Variants in UBR2 observed in about 807,000 individuals in gnomAD.
UBR2 encodes ubiquitin protein ligase E3 component n-recognin 2.
UBR2 carries 92 observed loss-of-function variants against 247.9 expected under a neutral mutation model. The ratio of observed to expected loss-of-function variants is 0.37; its 90% CI spans 0.31 to 0.44. The LOEUF is 0.44. UBR2 is among the 20% of genes least tolerant of loss of function. The probability of loss-of-function intolerance (pLI) is 1.00; values close to 1 mark genes in which losing one functional copy is unlikely to be tolerated. For missense variants in UBR2, 1,613 were observed against 2,112.6 expected (o/e 0.76, Z 4.64); for synonymous variants, 672 against 693.5 (o/e 0.97, Z 0.49).
At chr6:42,621,541 C>A (rs1794997238) in intron 11 of UBR2, among the ~76,000 whole-genome samples, 1 of 152,034 alleles carries the variant, frequency 6.6e-6, no homozygotes, top group Non-Finnish European at 1.5e-5. Context: ...CGGCTCACTG[C>A]AACCTCCGCC....
At chr6:42,567,362 C>T (rs770409039) in intron 1 of UBR2, among the ~76,000 whole-genome samples, 1 of 152,120 alleles carries the variant, frequency 6.6e-6, no homozygotes, top group Non-Finnish European at 1.5e-5. Context: ...GTATGACTTT[C>T]CCAACACTTC....
chr6:42,638,644 A>G (rs1272375280), intron 15 of UBR2, among the ~76,000 whole-genome samples: 2 of 152,180 alleles, frequency 1.3e-5, no homozygotes, highest in Non-Finnish European at 2.9e-5. Flanking sequence ...AACACAGGCA[A>G]TTGATGGCAT....
At chr6:42,674,707 A>G (rs1798625966) in intron 38 of UBR2, among the ~76,000 whole-genome samples, 1 of 151,624 alleles carries the variant, frequency 6.6e-6, no homozygotes, top group Non-Finnish European at 1.5e-5. Flanking sequence ...GGTTGCAGTG[A>G]CCAAGATTGC....
At chr6:42,643,072 T>A (rs901587439) in intron 18 of UBR2, among the ~76,000 whole-genome samples, 14 of 152,140 alleles carry the variant, frequency 9.2e-5, no homozygotes, top group African/African-American at 2.9e-4. Flanking sequence ...CCTGACACAC[T>A]AAAACTTGGC....
In UBR2 at chr6:42,564,042, A is replaced by G. The variant is rs974497262; in HGVS notation, c.-278A>G. The G allele has an allele frequency of 2.1e-6, 1 of 484,128 alleles. No individual in the cohort carries two copies. Among genetic ancestry groups the G allele is most frequent in the African/African-American group, 2.0e-5 (1 of 49,364 alleles). 30.0% of individuals were successfully genotyped at this position (484,128 alleles called of 1,614,324 possible). On this transcript the variant is annotated 5_prime_UTR_variant, in exon 1 of 47. Coordinates refer to ENST00000372901, the MANE Select transcript of UBR2 (RefSeq NM_001363705.2). The stretch of plus-strand genomic sequence containing the variant: ...GTGCAGGACGCGGTAGTGGCCAGCG[A>G]GAGTGTCAGGCCTGGGGTTTTCTGT...
In UBR2 at chr6:42,573,862, G is replaced by C. The variant is rs766279657; in HGVS notation, c.207G>C (p.Leu69Phe). 1 of 1,613,952 alleles carries C rather than the reference G, an allele frequency of 6.2e-7. No individual in the cohort carries two copies. The highest frequency in any genetic ancestry group is 1.3e-5 in the African/African-American group (1 of 74,930). Residue 69 changes from leucine to phenylalanine, a missense_variant, in exon 2 of 47, where the codon TTG becomes TTC. Leu to Phe is a conservative substitution (Grantham distance 22). This residue lies in a region of UBR2 where 1,524 missense variants were observed against 1,967.3 expected (regional missense o/e 0.77). Transcript: ENST00000372901. ...QKEDMLAQHVLLGPMEWYLCG... is the reference protein window; with the variant it reads ...QKEDMLAQHVFLGPMEWYLCG... The stretch of plus-strand genomic sequence containing the variant: ...AAGACATGCTGGCACAGCATGTTTT[G>C]TTGGGACCAATGGAATGGTACCTTT...
chr6:42,635,290 C>G, intron 13 of UBR2, 128 bp from the exon 14 acceptor site: 2 of 861,796 alleles, frequency 2.3e-6, no homozygotes, highest in African/African-American at 3.4e-5. Flanking sequence ...CTTGAAGTTT[C>G]CTGTTAAAAC....
At chr6:42,571,735 T>G (rs969168257) in intron 1 of UBR2, among the ~76,000 whole-genome samples, 4 of 51,370 alleles carry the variant, frequency 7.8e-5, no homozygotes, top group African/African-American at 4.4e-4. Context: ...AGCACGAGAC[T>G]CAAAAAAAAA....
intron 45 of UBR2, 41 bp downstream of exon 45, chr6:42,688,427 A>C: frequency 6.2e-7 from 1 of 1,605,422 alleles, no homozygotes. Context: ...GATCTGCCTC[A>C]GTATCTGACT....
Position 42,644,538 on chromosome 6 carries a change from T to C in UBR2, c.2284+2T>C. 6.2e-7 allele frequency: 1 copy of C among 1,606,618 alleles called. No homozygotes were observed. Among genetic ancestry groups the C allele is most frequent in the Non-Finnish European group, 8.5e-7 (1 of 1,176,948 alleles). On this transcript the variant is annotated splice_donor_variant, in intron 20 of 46. Coordinates refer to ENST00000372901, the MANE Select transcript of UBR2 (RefSeq NM_001363705.2). LOFTEE classifies it high-confidence loss of function. ...TATACCTCATTATAATGCTTGTTGG[T>C]AAGTTTAAATTGTTTGAGGCATTTA...
intron 11 of UBR2, among the ~76,000 whole-genome samples, chr6:42,631,664 A>G (rs773089227): frequency 6.6e-6 from 1 of 151,846 alleles, no homozygotes; most frequent in Non-Finnish European, 1.5e-5. Flanking sequence ...AGACCTGGTT[A>G]AAAAGAATGA....
chr6:42,683,110 A>C lies in UBR2; in HGVS notation c.4774A>C (p.Arg1592=). Residue 1592 remains arginine (R), a splice_region_variant and synonymous_variant, in exon 43 of 47, where the codon AGA becomes CGA. Transcript: ENST00000372901. ...TCTAGAAGGTGAAAGAGATGCTATA[A>C]GGTAAGTTAAAGAGCCTCAAAAACT... ...RYLEGERDAI[R]YPRESNKLIN... The C allele has an allele frequency of 1.9e-6, 3 of 1,612,534 alleles. No individual in the cohort carries two copies. The highest frequency in any genetic ancestry group is 2.5e-6 in the Non-Finnish European group (3 of 1,179,268).
chr6:42,627,423 C>T (rs1364160632), intron 11 of UBR2, among the ~76,000 whole-genome samples: 1 of 152,140 alleles, frequency 6.6e-6, no homozygotes, highest in Non-Finnish European at 1.5e-5. Flanking sequence ...GTTGGTTTTA[C>T]AAACGCAGTC....
At chr6:42,637,277 G>GTA in intron 15 of UBR2, 83 bp downstream of exon 15, 1 of 1,397,312 alleles carries the variant, frequency 7.2e-7, no homozygotes, top group East Asian at 2.4e-5. Context: ...TACTTACTTT[G>GTA]TGCCAGATGT....
intron 20 of UBR2, 46 bp downstream of exon 20, chr6:42,644,582 T>C (rs771028593): frequency 9.9e-6 from 15 of 1,511,210 alleles, no homozygotes; most frequent in Non-Finnish European, 1.3e-5. Flanking sequence ...CACTGACGTT[T>C]ATAGTAGCAA....
chr6:42,629,910 T>C (rs910562194), intron 11 of UBR2, among the ~76,000 whole-genome samples: 2 of 152,088 alleles, frequency 1.3e-5, no homozygotes, highest in African/African-American at 4.8e-5. Context: ...TGGTTTTTGT[T>C]TTGGTTTTGG....
Position 42,648,187 on chromosome 6 carries a change from T to C in UBR2, c.2462+17T>C. On this transcript the variant is annotated intron_variant, in intron 22 of 46. Transcript: ENST00000372901. Reference sequence around the variant, plus strand: ...CCATTTCAAGTGAGTTTACTTCCTATTATTTCACATTCTTTTTTACTTTTC... The same window carrying C: ...CCATTTCAAGTGAGTTTACTTCCTACTATTTCACATTCTTTTTTACTTTTC... The C allele has an allele frequency of 6.2e-7, 1 of 1,606,112 alleles. No individual in the cohort carries two copies. Among genetic ancestry groups the C allele is most frequent in the East Asian group, 2.2e-5 (1 of 44,806 alleles).
At chr6:42,667,792 C>G (rs1235169522) in intron 34 of UBR2, among the ~76,000 whole-genome samples, 5 of 139,700 alleles carry the variant, frequency 3.6e-5, no homozygotes, top group African/African-American at 1.1e-4. Flanking sequence ...CAGAGTCTCA[C>G]TCTGTCACCC....
chr6:42,564,217 G>A lies in UBR2; in HGVS notation c.-103G>A, dbSNP rs1582396941. The A allele has an allele frequency of 7.4e-7, 1 of 1,356,944 alleles. No individual in the cohort carries two copies. The highest frequency in any genetic ancestry group is 1.3e-5 in the South Asian group (1 of 79,334). The allele number at this position is 1,356,944 out of a possible 1,614,324, so 84.1% of individuals were successfully genotyped here. ...ACCTGCAGCCACTTGGACGGCTCCG[G>A]GACTGATTGCCTGGGGCAGGGGTGG... On this transcript the variant is annotated 5_prime_UTR_variant, in exon 1 of 47. Coordinates refer to ENST00000372901, the MANE Select transcript of UBR2 (RefSeq NM_001363705.2).
Sources: allele counts gnomAD v4.1 joint callset (sites outside exome capture counted in the v4.1 genomes callset), GRCh38; gene constraint gnomAD v4.1.1; regional missense constraint gnomAD v4.1.1; transcripts MANE v1.5; gene names NCBI Gene and HGNC (gene_info 2026-07-23, HGNC 2026-07-21).